The following BICD1 variants were observed in gnomAD, a reference collection of about 807,000 sequenced individuals.
BICD1 encodes BICD cargo adaptor 1.
BICD1 carries 35 observed loss-of-function variants against 92.5 expected under a neutral mutation model. That is an observed-to-expected ratio of 0.38 (90% CI 0.29 to 0.50). The LOEUF is 0.50. Ranked by LOEUF, BICD1 falls within the 20% of genes least tolerant of loss-of-function variation. The pLI is 0.93. For missense variants in BICD1, 950 were observed against 1,189.8 expected, an observed-to-expected ratio of 0.80 and a Z score of 2.97; for synonymous variants, 429 against 465.1, an observed-to-expected ratio of 0.92 and a Z score of 1.00.
At chr12:32,187,771 CTA>C (rs1420686351) in intron 1 of BICD1, among the ~76,000 whole-genome samples, 2 of 152,208 alleles carry the variant, frequency 1.3e-5, no homozygotes, top group Non-Finnish European at 2.9e-5. Flanking sequence ...CTATTGGGTA[CTA>C]TGTTTATTAT....
At chr12:32,225,619 C>CTTTTTTTTTTTTT (rs1555150859) in intron 2 of BICD1, among the ~76,000 whole-genome samples, 26 of 29,190 alleles carry the variant, frequency 8.9e-4, no homozygotes, top group South Asian at 5.0e-3. Context: ...TTCTTTTTTT[C>CTTTTTTTTTTTTT]TGTTTTTTTT....
chr12:32,220,416 G>C, intron 2 of BICD1, among the ~76,000 whole-genome samples: 1 of 152,050 alleles, frequency 6.6e-6, no homozygotes, highest in Non-Finnish European at 1.5e-5. Flanking sequence ...CAACAACCCC[G>C]TCAAAAAGTG....
chr12:32,365,893 T>G (rs1351832469), intron 8 of BICD1, among the ~76,000 whole-genome samples: 2 of 152,196 alleles, frequency 1.3e-5, no homozygotes, highest in Non-Finnish European at 2.9e-5. Flanking sequence ...AAAAAGGAAT[T>G]TCCTCAATCT....
At chr12:32,280,908 A>G (rs995266991) in intron 2 of BICD1, among the ~76,000 whole-genome samples, 3 of 152,244 alleles carry the variant, frequency 2.0e-5, no homozygotes, top group African/African-American at 7.2e-5. Flanking sequence ...GCTTTTTTAA[A>G]AGGACAAAGG....
At chr12:32,176,119 T>C (rs940335384) in intron 1 of BICD1, among the ~76,000 whole-genome samples, 1 of 152,264 alleles carries the variant, frequency 6.6e-6, no homozygotes, top group African/African-American at 2.4e-5. Context: ...ATTTTGTGTA[T>C]CTGTTCATTA....
intron 1 of BICD1, among the ~76,000 whole-genome samples, chr12:32,155,747 C>A (rs1943417862): frequency 6.6e-6 from 1 of 152,090 alleles, no homozygotes. Flanking sequence ...AAATTGGGAG[C>A]AACATTTGTT....
intron 1 of BICD1, chr12:32,109,750 TTTTA>T (rs1382156552): frequency 6.6e-6 from 1 of 151,988 alleles, no homozygotes; most frequent in Non-Finnish European, 1.5e-5. Flanking sequence ...GGCCTATTAT[TTTTA>T]TTCTTTAAAC....
At chr12:32,260,325 C>A (rs1367083645) in intron 2 of BICD1, among the ~76,000 whole-genome samples, 2 of 152,174 alleles carry the variant, frequency 1.3e-5, no homozygotes, top group African/African-American at 4.8e-5. Context: ...AAATCCTAAG[C>A]TATAGCAAGA....
chr12:32,287,780 G>A (rs1311831862), intron 2 of BICD1, among the ~76,000 whole-genome samples: 4 of 152,094 alleles, frequency 2.6e-5, no homozygotes, highest in African/African-American at 9.7e-5. Flanking sequence ...CTTGTGATCC[G>A]CCCGCCTCGG....
rs140810240 is a variant in BICD1, at chr12:32,311,115, G to T, written c.1005+4993G>T. 8.1e-3 allele frequency among the ~76,000 whole-genome samples: 1,239 copies of T among 152,312 alleles called. 12 individuals carry two copies. Among genetic ancestry groups the T allele is most frequent in the African/African-American group, 0.027 (1,125 of 41,568 alleles). ...ATGGCCTGTGACATAGCCCTCAGGA[G>T]GTCCTGAGAACATATGCCCAAGGTG... On this transcript the variant is annotated intron_variant, in intron 4 of 9. Transcript: ENST00000652176.
At position 32,216,248 on chromosome 12, in the gene BICD1, C is replaced by T. The variant is rs1945357816; in HGVS notation, c.215C>T (p.Ala72Val). ...TTTTTCTTCCCATATACTCTGCAGG[C>T]ATTTGGGCAGTCCTTCTCCATCCAC... The part of the protein sequence containing the change: ...LKQELEQLKE[A>V]FGQSFSIHRK... Residue 72 changes from alanine (A) to valine (V), a missense_variant and splice_region_variant, in exon 2 of 10, where the codon GCA (alanine) becomes GTA (valine). By Grantham distance (64) the Ala-to-Val change is moderately conservative (BLOSUM62 0). Coordinates refer to ENST00000652176, the MANE Select transcript of BICD1 (RefSeq NM_001714.4). 6.2e-7 allele frequency: 1 copy of T among 1,613,106 alleles called. No individual in the cohort carries two copies. The highest frequency in any genetic ancestry group is 8.5e-7 in the Non-Finnish European group (1 of 1,179,772).
At chr12:32,236,179 G>A (rs1394733013) in intron 2 of BICD1, among the ~76,000 whole-genome samples, 1 of 151,230 alleles carries the variant, frequency 6.6e-6, no homozygotes, top group Non-Finnish European at 1.5e-5. Context: ...CAGATCGTGA[G>A]GTCAGGAATT....
intron 3 of BICD1, among the ~76,000 whole-genome samples, chr12:32,302,539 T>C (rs1328742173): frequency 6.6e-6 from 1 of 152,220 alleles, no homozygotes; most frequent in Non-Finnish European, 1.5e-5. Context: ...TTGTGAAAAG[T>C]ATATTTCATT....
chr12:32,213,118 G>T (rs1043568264), intron 1 of BICD1, among the ~76,000 whole-genome samples: 1 of 152,122 alleles, frequency 6.6e-6, no homozygotes, highest in South Asian at 2.1e-4. Context: ...TCAGTTTGCC[G>T]ATTGTCCTAC....
chr12:32,317,705 C>G (rs1948541041), intron 4 of BICD1, among the ~76,000 whole-genome samples: 1 of 152,074 alleles, frequency 6.6e-6, no homozygotes, highest in African/African-American at 2.4e-5. Flanking sequence ...TGCAGAAGCG[C>G]TTTAGTTTAA....
At chr12:32,239,265 AG>A (rs1246899978) in intron 2 of BICD1, among the ~76,000 whole-genome samples, 2 of 132,736 alleles carry the variant, frequency 1.5e-5, no homozygotes, top group Non-Finnish European at 3.3e-5. Context: ...AAAAAAAAAA[AG>A]AAAAGAAAGG....
intron 1 of BICD1, among the ~76,000 whole-genome samples, chr12:32,211,355 G>C (rs1367803301): frequency 6.6e-6 from 1 of 152,176 alleles, no homozygotes; most frequent in Non-Finnish European, 1.5e-5. Context: ...TCTGAAACTG[G>C]AATAAATATG....
intron 8 of BICD1, chr12:32,340,566 C>T (rs1938327220): frequency 7.0e-6 from 6 of 862,296 alleles, no homozygotes; most frequent in Non-Finnish European, 8.4e-6. Flanking sequence ...AAAAAGATAA[C>T]ATCTCAATAA....
At chr12:32,116,498 CTCTCTCTCTCTCTATA>C (rs1297627866) in intron 1 of BICD1, among the ~76,000 whole-genome samples, 73 of 70,656 alleles carry the variant, frequency 1.0e-3, no homozygotes, top group Admixed American at 1.4e-3. Flanking sequence ...CTCTTTCTCT[CTCTCTCTCTCTCTATA>C]TATATATATA....
Sources: allele counts gnomAD v4.1 joint callset (sites outside exome capture counted in the v4.1 genomes callset), GRCh38; gene constraint gnomAD v4.1.1; transcripts MANE v1.5; gene names NCBI Gene and HGNC (gene_info 2026-07-23, HGNC 2026-07-21).